ABCC9: variants seen among roughly 807,000 people sequenced by gnomAD.
ABCC9 encodes the protein ATP-binding cassette sub-family C member 9.
Under a neutral mutation model 188.3 loss-of-function variants are expected in ABCC9, and 95 were observed. The ratio of observed to expected loss-of-function variants is 0.50; its 90% CI spans 0.43 to 0.60. The LOEUF (loss-of-function observed/expected upper bound fraction) is 0.60, where lower values mean the gene tolerates loss of function less well. ABCC9 is among the 20% of genes least tolerant of loss of function. ABCC9 has a pLI of 0.00. For missense variants in ABCC9, 1,102 were observed against 1,876.3 expected (o/e 0.59, Z 7.62); for synonymous variants, 659 against 652.7 (o/e 1.01, Z -0.15).
In ABCC9 at chr12:21,806,033, T is replaced by A; in HGVS notation, c.4477A>T (p.Thr1493Ser). Residue 1493 changes from threonine (T) to serine (S), a missense_variant, in exon 39 of 40, where the codon ACA becomes TCA. Physicochemically the swap from Thr to Ser is moderately conservative, Grantham distance 58 (BLOSUM62 1). Transcript: ENST00000261200. The stretch of plus-strand genomic sequence containing the variant: ...ACCACGGTCCGGTCTGCAAAGGCTG[T>A]CATTACTACTTTTTGCAAAATATTC... ...TENILQKVVM[T>S]AFADRTVVTI... The A allele has an allele frequency of 6.2e-7, 1 of 1,613,686 alleles. No individual in the cohort carries two copies. Among genetic ancestry groups the A allele is most frequent in the African/African-American group, 1.3e-5 (1 of 74,970 alleles).
chr12:21,812,124 T>C lies in ABCC9; in HGVS notation c.4136A>G (p.Lys1379Arg). Residue 1379 changes from lysine to arginine, a missense_variant, in exon 36 of 40, where the codon AAA becomes AGA. Around this residue, in one of 12 missense-constraint regions of ABCC9, gnomAD observed 67 missense variants for 101.0 expected, o/e 0.66. Transcript: ENST00000261200. ...KIVIDGIDISKLPLHTLRSRL... is the reference protein window; with the variant it reads ...KIVIDGIDISRLPLHTLRSRL... ...AGAACGTAGTGTGTGCAGTGGTAAT[T>C]TGGAAATGTCTATCCCATCAATGAC... 6.2e-7 allele frequency: 1 copy of C among 1,613,062 alleles called. No individual in the cohort carries two copies. The highest frequency in any genetic ancestry group is 2.2e-5 in the East Asian group (1 of 44,808).
At chr12:21,859,752 T>C in intron 21 of ABCC9, 86 bp from the exon 22 acceptor site, 1 of 1,126,160 alleles carries the variant, frequency 8.9e-7, no homozygotes, top group South Asian at 1.2e-5. Flanking sequence ...CAAACGTCTT[T>C]TTAAAAATCT....
rs530645656 is a variant in ABCC9 at position 21,861,064 on chromosome 12, G to A, written c.2340-9C>T. 1.9e-6 allele frequency: 3 copies of A among 1,610,400 alleles called. No individual in the cohort carries two copies. The highest frequency in any genetic ancestry group is 2.2e-5 in the South Asian group (2 of 91,030). On this transcript the variant is annotated splice_polypyrimidine_tract_variant and intron_variant, in intron 20 of 39. Coordinates refer to ENST00000261200, the MANE Select transcript of ABCC9 (RefSeq NM_020297.4). ...CTGTGACAGCTTTGTACCTTTGGGA[G>A]AAATGATTTTGAATTTTTAGATCTC...
chr12:21,915,941 A>G (rs772119575), intron 6 of ABCC9, 31 bp from the exon 7 acceptor site: 1 of 1,591,234 alleles, frequency 6.3e-7, no homozygotes. Flanking sequence ...CAGTATAACA[A>G]TTAGTCCAAT....
chr12:21,848,179 G>A lies in ABCC9; in HGVS notation c.2837C>T (p.Ala946Val), dbSNP rs1306684394. The change falls in exon 25 of 40, where the codon GCC becomes GTC. Residue 946 changes from alanine (A) to valine (V), a missense_variant. Physicochemically the swap from Ala to Val is moderately conservative, Grantham distance 64. This residue lies in a region of ABCC9 where 131 missense variants were observed against 170.2 expected (regional missense o/e 0.77). Transcript: ENST00000261200. ...GTCTTCGTCCTCCATCTGGGCTTTG[G>A]CTTCTCTTGAATACATGGCCCGTCG... ...TLRRAMYSREAKAQMEDEDEE... is the reference protein window; with the variant it reads ...TLRRAMYSREVKAQMEDEDEE... The A allele has an allele frequency of 6.2e-7, 1 of 1,613,430 alleles. No individual in the cohort carries two copies. Among genetic ancestry groups the A allele is most frequent in the African/African-American group, 1.3e-5 (1 of 74,874 alleles).
intron 4 of ABCC9, among the ~76,000 whole-genome samples, chr12:21,933,057 A>G: frequency 8.9e-6 from 1 of 111,938 alleles, no homozygotes; most frequent in Non-Finnish European, 2.0e-5. Flanking sequence ...CAGCCAGAAA[A>G]AAACAAGATA....
At chr12:21,816,050 T>G (rs937230373) in intron 33 of ABCC9, among the ~76,000 whole-genome samples, 157 bp from the exon 34 acceptor site, 1 of 71,514 alleles carries the variant, frequency 1.4e-5, no homozygotes, top group East Asian at 3.1e-4. Context: ...TTTTTTTTTT[T>G]TTTTTTTTTT....
chr12:21,814,015 A>T (rs1023042287), intron 35 of ABCC9, among the ~76,000 whole-genome samples: 1 of 152,166 alleles, frequency 6.6e-6, no homozygotes, highest in African/African-American at 2.4e-5. Flanking sequence ...TTTATAGGCC[A>T]CTTGATAGAC....
At chr12:21,912,605 T>G (rs1948372836) in intron 8 of ABCC9, among the ~76,000 whole-genome samples, 1 of 152,100 alleles carries the variant, frequency 6.6e-6, no homozygotes, top group Non-Finnish European at 1.5e-5. Context: ...TACACAAAGT[T>G]TCTGGCATAC....
chr12:21,923,675 A>T (rs1948927435), intron 5 of ABCC9: 1 of 584,892 alleles, frequency 1.7e-6, no homozygotes, highest in South Asian at 2.2e-5. Flanking sequence ...GTTAGTGAGT[A>T]TAAAAAATGA....
At chr12:21,931,204 C>G (rs1949269963) in intron 4 of ABCC9, among the ~76,000 whole-genome samples, 1 of 152,010 alleles carries the variant, frequency 6.6e-6, no homozygotes, top group South Asian at 2.1e-4. Flanking sequence ...TCATGCTGTT[C>G]TCAACATTAT....
At chr12:21,886,651 C>T (rs183737001) in intron 15 of ABCC9, among the ~76,000 whole-genome samples, 2 of 152,232 alleles carry the variant, frequency 1.3e-5, no homozygotes, top group East Asian at 3.9e-4. Flanking sequence ...TTGAAACCTT[C>T]CAATAATTTC....
intron 17 of ABCC9, among the ~76,000 whole-genome samples, chr12:21,874,191 G>T (rs988636762): frequency 4.6e-5 from 7 of 151,886 alleles, no homozygotes; most frequent in African/African-American, 7.3e-5. Context: ...AATGGGCAAA[G>T]AACCCGAATA....
At chr12:21,910,100 C>CT (rs904136432) in intron 10 of ABCC9, 57 bp downstream of exon 10, 22 of 1,492,292 alleles carry the variant, frequency 1.5e-5, no homozygotes, top group East Asian at 9.1e-5. Context: ...TACATTACTG[C>CT]TTTTTTTGTT....
chr12:21,934,541 G>GA (rs1555124585), intron 3 of ABCC9, among the ~76,000 whole-genome samples: 54 of 151,986 alleles, frequency 3.6e-4, no homozygotes, highest in African/African-American at 1.1e-3. Flanking sequence ...TGCCACTGAA[G>GA]AAAAAAATTC....
chr12:21,855,556 GC>G (rs1180758817), intron 22 of ABCC9, among the ~76,000 whole-genome samples: 32 of 152,000 alleles, frequency 2.1e-4, no homozygotes, highest in Non-Finnish European at 3.5e-4. Context: ...AGTTAGTAAG[GC>G]ATAATTGAAA....
At chr12:21,936,734 A>G in intron 2 of ABCC9, 40 bp from the exon 3 acceptor site, 9 of 1,446,224 alleles carry the variant, frequency 6.2e-6, no homozygotes, top group Non-Finnish European at 8.7e-6. Flanking sequence ...TCCTCTTATT[A>G]GTAAACTCTT....
rs1183801321 is a variant in ABCC9 at position 21,860,960 on chromosome 12, A to G, written c.2424+11T>C. ...TTTGTTCATTGCTTAATGAAACTATATATAGCTCACCCTCTCTCCAATTTC... is the reference window on the plus strand; with the variant it reads ...TTTGTTCATTGCTTAATGAAACTATGTATAGCTCACCCTCTCTCCAATTTC... On this transcript the variant is annotated intron_variant, in intron 21 of 39. Coordinates refer to ENST00000261200, the MANE Select transcript of ABCC9 (RefSeq NM_020297.4). 4 of 1,601,086 alleles carry G rather than the reference A, an allele frequency of 2.5e-6. No homozygotes were observed. In the African/African-American group the frequency reaches 4.0e-5, roughly 16 times the overall value.
At chr12:21,851,043 A>T (rs527562217) in intron 24 of ABCC9, among the ~76,000 whole-genome samples, 21 of 152,140 alleles carry the variant, frequency 1.4e-4, no homozygotes, top group African/African-American at 4.8e-4. Flanking sequence ...CTGACTTTGT[A>T]TCTTCCTCTC....
Sources: allele counts gnomAD v4.1 joint callset (sites outside exome capture counted in the v4.1 genomes callset), GRCh38; gene constraint gnomAD v4.1.1; regional missense constraint gnomAD v4.1.1; transcripts MANE v1.5; gene names NCBI Gene and HGNC (gene_info 2026-07-23, HGNC 2026-07-21).